Variants in FCHO2 observed in about 807,000 individuals in gnomAD.
The protein encoded by FCHO2 is F-BAR domain only protein 2.
In FCHO2, 43 loss-of-function variants were observed where a neutral mutation model predicts 114.1. The observed-to-expected ratio is 0.38, with a 90% CI of 0.30 to 0.49. The LOEUF (loss-of-function observed/expected upper bound fraction) is 0.49, where lower values mean the gene tolerates loss of function less well. Among genes scored for constraint, FCHO2 ranks in the 20% least tolerant of loss-of-function variants. The probability of loss-of-function intolerance (pLI) is 0.97; values close to 1 mark genes in which losing one functional copy is unlikely to be tolerated. For synonymous variants in FCHO2, 293 were observed against 315.2 expected (o/e 0.93, Z 0.75); for missense variants, 807 against 950.4 (o/e 0.85, Z 1.98).
chr5:73,011,230 T>G (rs1376852912), intron 6 of FCHO2, among the ~76,000 whole-genome samples: 1 of 152,184 alleles, frequency 6.6e-6, no homozygotes, highest in African/African-American at 2.4e-5. Context: ...TACTGTAGAT[T>G]TTATAAGCAC....
At chr5:73,054,930 T>G (rs1757516306) in intron 15 of FCHO2, 1 of 169,866 alleles carries the variant, frequency 5.9e-6, no homozygotes, top group Admixed American at 6.0e-5. Context: ...TCTATTATAA[T>G]TTAATTATAC....
At chr5:73,021,689 A>G (rs909152904) in intron 8 of FCHO2, among the ~76,000 whole-genome samples, 4 of 152,130 alleles carry the variant, frequency 2.6e-5, no homozygotes, top group African/African-American at 7.2e-5. Context: ...TTAAATCTTA[A>G]TAGTTTGTAC....
intron 20 of FCHO2, among the ~76,000 whole-genome samples, chr5:73,075,426 A>G (rs1742867520): frequency 6.6e-6 from 1 of 152,206 alleles, no homozygotes; most frequent in Admixed American, 6.5e-5. Flanking sequence ...TTCAAGAAAC[A>G]GCAAGCAAAA....
At chr5:72,962,839 G>A (rs1275250241) in intron 1 of FCHO2, among the ~76,000 whole-genome samples, 1 of 151,870 alleles carries the variant, frequency 6.6e-6, no homozygotes, top group Non-Finnish European at 1.5e-5. Flanking sequence ...GTTGTAGTGA[G>A]CCGAGATCAC....
intron 10 of FCHO2, among the ~76,000 whole-genome samples, chr5:73,040,091 A>T (rs896649445): frequency 6.6e-6 from 1 of 152,110 alleles, no homozygotes; most frequent in Admixed American, 6.6e-5. Context: ...CCTTTAAGAA[A>T]ATTCTTCAAT....
At chr5:72,976,645 T>G (rs1297553231) in intron 2 of FCHO2, among the ~76,000 whole-genome samples, 1 of 152,266 alleles carries the variant, frequency 6.6e-6, no homozygotes, top group East Asian at 1.9e-4. Flanking sequence ...TTATTATACT[T>G]TAAGCCCTGG....
At chr5:72,963,768 C>G (rs1045792686) in intron 1 of FCHO2, among the ~76,000 whole-genome samples, 10 of 152,180 alleles carry the variant, frequency 6.6e-5, no homozygotes, top group Non-Finnish European at 1.3e-4. Flanking sequence ...TTAGGCTGGT[C>G]TCAAACTCTT....
At chr5:72,967,194 A>G (rs927185670) in intron 1 of FCHO2, among the ~76,000 whole-genome samples, 1 of 152,222 alleles carries the variant, frequency 6.6e-6, no homozygotes, top group Non-Finnish European at 1.5e-5. Flanking sequence ...GCTGAAGCAC[A>G]AGAATCGCTT....
intron 5 of FCHO2, among the ~76,000 whole-genome samples, chr5:73,000,798 A>G (rs971848588): frequency 6.6e-6 from 1 of 151,896 alleles, no homozygotes; most frequent in Non-Finnish European, 1.5e-5. Context: ...AATTGTAGAC[A>G]CAAGGTCTCA....
At chr5:73,083,646 C>T (rs1580214045) in intron 24 of FCHO2, among the ~76,000 whole-genome samples, 2 of 152,136 alleles carry the variant, frequency 1.3e-5, no homozygotes, top group East Asian at 3.9e-4. Context: ...AATCCCAGCA[C>T]TTTGGTAGGC....
At chr5:73,017,589 G>A (rs1024666358) in intron 8 of FCHO2, among the ~76,000 whole-genome samples, 2 of 151,976 alleles carry the variant, frequency 1.3e-5, no homozygotes, top group African/African-American at 4.8e-5. Context: ...ATTATTTAAA[G>A]TGGTTATTAT....
intron 13 of FCHO2, 92 bp from the exon 14 acceptor site, chr5:73,054,068 A>G: frequency 9.9e-7 from 1 of 1,006,736 alleles, no homozygotes. Context: ...TAGTTTAGAT[A>G]TGATTGAATA....
chr5:72,961,825 A>T (rs1276533907), intron 1 of FCHO2, among the ~76,000 whole-genome samples: 2 of 152,154 alleles, frequency 1.3e-5, no homozygotes, highest in African/African-American at 4.8e-5. Flanking sequence ...TCCTGACCTC[A>T]GGTGATCCGC....
intron 24 of FCHO2, 77 bp downstream of exon 24, chr5:73,082,902 T>A: frequency 3.5e-5 from 42 of 1,196,924 alleles, no homozygotes; most frequent in Non-Finnish European, 4.6e-5. Flanking sequence ...TAAAACAGAG[T>A]CTAGCTTTGT....
intron 1 of FCHO2, among the ~76,000 whole-genome samples, chr5:72,965,215 C>T (rs546904385): frequency 1.3e-5 from 2 of 152,248 alleles, no homozygotes; most frequent in South Asian, 2.1e-4. Flanking sequence ...CATACAAAGG[C>T]ATACCTTAGA....
chr5:72,978,923 G>A lies in FCHO2; in HGVS notation c.125+10334G>A, dbSNP rs149686559. 5.7e-3 allele frequency among the ~76,000 whole-genome samples: 862 copies of A among 152,212 alleles called. 13 individuals are homozygous for A. The highest frequency in any genetic ancestry group is 0.02 in the African/African-American group (820 of 41,546). ...TGATGGATTACATTTATTGATTTGC[G>A]TATGTTGAACCAGCCTTGCATCCCA... On this transcript the variant is annotated intron_variant, in intron 2 of 25. Transcript: ENST00000430046.
In FCHO2 at chr5:73,036,518, C is replaced by T. The variant is rs534137998; in HGVS notation, c.842-625C>T. Reference sequence around the variant, plus strand: ...CCTCCCGAGTAGCTAGGACCACAGGCGCGCACCACCACACCCAGCTAATCT... The same window carrying T: ...CCTCCCGAGTAGCTAGGACCACAGGTGCGCACCACCACACCCAGCTAATCT... On this transcript the variant is annotated intron_variant, in intron 9 of 25. Transcript: ENST00000430046. 1.3e-4 allele frequency among the ~76,000 whole-genome samples: 20 copies of T among 151,890 alleles called. No individual in the cohort carries two copies. The East Asian group carries it at 1.9e-3, about 15-fold the overall frequency.
intron 8 of FCHO2, among the ~76,000 whole-genome samples, 186 bp downstream of exon 8, chr5:73,017,494 A>G (rs1469721295): frequency 6.6e-6 from 1 of 152,200 alleles, no homozygotes; most frequent in Non-Finnish European, 1.5e-5. Context: ...AAATTTGTAT[A>G]AAATCTCAGA....
chr5:72,968,756 G>A (rs1470307752), intron 2 of FCHO2, among the ~76,000 whole-genome samples, 167 bp downstream of exon 2: 1 of 152,026 alleles, frequency 6.6e-6, no homozygotes, highest in Non-Finnish European at 1.5e-5. Context: ...ACACAGCTGA[G>A]GGCTGTATAG....
Sources: gnomAD v4.1 joint callset for allele counts (sites outside exome capture counted in the v4.1 genomes callset) on GRCh38, gnomAD v4.1.1 for gene constraint, MANE v1.5 for transcripts, NCBI Gene and HGNC (gene_info 2026-07-23, HGNC 2026-07-21) for gene names.